Variants in ADARB2 observed in about 807,000 individuals in gnomAD.
ADARB2 encodes the protein adenosine deaminase RNA specific B2 (inactive), also known as inactive double-stranded RNA-specific editase B2.
ADARB2 carries 25 observed loss-of-function variants against 62.2 expected under a neutral mutation model. That is an observed-to-expected ratio of 0.40 (90% CI 0.29 to 0.56). The LOEUF is 0.56. ADARB2 is among the 20% of genes least tolerant of loss of function. The pLI is 0.43. For synonymous variants in ADARB2, 572 were observed against 500.8 expected, an observed-to-expected ratio of 1.14 and a Z score of -1.90; for missense variants, 1,071 against 1,077.4, an observed-to-expected ratio of 0.99 and a Z score of 0.08.
At chr10:1,258,547 CAAAG>C (rs1380835660) in intron 4 of ADARB2, among the ~76,000 whole-genome samples, 2 of 152,172 alleles carry the variant, frequency 1.3e-5, no homozygotes, top group East Asian at 1.9e-4. Context: ...TCAAAAGAGA[CAAAG>C]AAGGCCATTA....
intron 3 of ADARB2, among the ~76,000 whole-genome samples, chr10:1,326,054 A>G (rs1344801371): frequency 6.6e-6 from 1 of 152,248 alleles, no homozygotes; most frequent in Non-Finnish European, 1.5e-5. Flanking sequence ...TTAAAACAGT[A>G]GATATGTAAA....
intron 1 of ADARB2, among the ~76,000 whole-genome samples, chr10:1,721,531 T>C (rs988788759): frequency 6.6e-6 from 1 of 152,190 alleles, no homozygotes; most frequent in Non-Finnish European, 1.5e-5. Context: ...GACACATTAG[T>C]GTTAGGTACA....
intron 3 of ADARB2, among the ~76,000 whole-genome samples, chr10:1,272,845 A>G (rs1831276035): frequency 6.6e-6 from 1 of 152,154 alleles, no homozygotes; most frequent in African/African-American, 2.4e-5. Context: ...TCTTTAAACA[A>G]CAGGGATTCA....
chr10:1,548,349 G>A (rs542539804), intron 1 of ADARB2, among the ~76,000 whole-genome samples: 2 of 152,206 alleles, frequency 1.3e-5, no homozygotes, highest in South Asian at 4.1e-4. Flanking sequence ...CTTTCACAAT[G>A]TTAAACAATG....
intron 1 of ADARB2, among the ~76,000 whole-genome samples, chr10:1,706,782 G>C (rs1035128601): frequency 2.6e-5 from 4 of 152,166 alleles, no homozygotes; most frequent in African/African-American, 9.7e-5. Flanking sequence ...GTGCTAATCA[G>C]AAAGACAACA....
intron 1 of ADARB2, among the ~76,000 whole-genome samples, chr10:1,452,137 T>C (rs1294156540): frequency 6.6e-6 from 1 of 152,184 alleles, no homozygotes; most frequent in Non-Finnish European, 1.5e-5. Flanking sequence ...ATTTGGCCGC[T>C]GCCACCATCA....
chr10:1,193,804 C>G (rs552167972), intron 8 of ADARB2, among the ~76,000 whole-genome samples: 1 of 152,242 alleles, frequency 6.6e-6, no homozygotes, highest in South Asian at 2.1e-4. Context: ...GAATCAGTTA[C>G]CAGTCTGATT....
chr10:1,651,773 T>C (rs1834113991), intron 1 of ADARB2, among the ~76,000 whole-genome samples: 1 of 151,944 alleles, frequency 6.6e-6, no homozygotes, highest in Non-Finnish European at 1.5e-5. Flanking sequence ...TGCCTGCTTA[T>C]GGGTGCTGCT....
intron 1 of ADARB2, among the ~76,000 whole-genome samples, chr10:1,450,057 T>G (rs1831018263): frequency 6.6e-6 from 1 of 152,156 alleles, no homozygotes. Context: ...GTATGACGCT[T>G]GAAGGTGGCC....
At chr10:1,260,108 T>C (rs1344659671) in intron 4 of ADARB2, among the ~76,000 whole-genome samples, 1 of 130,126 alleles carries the variant, frequency 7.7e-6, no homozygotes, top group Non-Finnish European at 1.7e-5. Flanking sequence ...CAACCCTTCA[T>C]GCTAAAAAAA....
chr10:1,684,738 G>A (rs939344342), intron 1 of ADARB2, among the ~76,000 whole-genome samples: 1 of 152,174 alleles, frequency 6.6e-6, no homozygotes, highest in African/African-American at 2.4e-5. Flanking sequence ...TCTGGCAAAC[G>A]GGAAAAGCTG....
chr10:1,414,475 C>T (rs938778652), intron 1 of ADARB2, among the ~76,000 whole-genome samples: 1 of 152,178 alleles, frequency 6.6e-6, no homozygotes, highest in Non-Finnish European at 1.5e-5. Flanking sequence ...CTTGCTGACT[C>T]CTTGCTCCTT....
At chr10:1,417,596 C>G (rs545389107) in intron 1 of ADARB2, among the ~76,000 whole-genome samples, 1 of 152,200 alleles carries the variant, frequency 6.6e-6, no homozygotes, top group Admixed American at 6.5e-5. Context: ...GAGTTTGCAC[C>G]GTTTGCCTGA....
chr10:1,512,038 G>T (rs2131945754), intron 1 of ADARB2, among the ~76,000 whole-genome samples: 1 of 151,824 alleles, frequency 6.6e-6, no homozygotes, highest in Non-Finnish European at 1.5e-5. Context: ...TGTCTACACT[G>T]GATGTCAAGA....
chr10:1,333,039 A>G (rs1051746864), intron 3 of ADARB2, among the ~76,000 whole-genome samples: 10 of 152,142 alleles, frequency 6.6e-5, no homozygotes, highest in Admixed American at 1.3e-4. Context: ...CCTGCTATTG[A>G]GTTTTGACTC....
intron 1 of ADARB2, among the ~76,000 whole-genome samples, chr10:1,696,972 T>TA (rs1834754741): frequency 2.7e-5 from 1 of 37,254 alleles, no homozygotes; most frequent in South Asian, 8.2e-4. Flanking sequence ...TATTTTGTGA[T>TA]TTTTTTTTTT....
chr10:1,373,546 C>T (rs371219312), intron 2 of ADARB2, among the ~76,000 whole-genome samples: 7 of 151,994 alleles, frequency 4.6e-5, no homozygotes, highest in South Asian at 4.2e-4. Context: ...TGTGTGCATG[C>T]GTGTGTGTGT....
intron 3 of ADARB2, among the ~76,000 whole-genome samples, chr10:1,284,505 C>T (rs1167448612): frequency 6.6e-6 from 1 of 152,174 alleles, no homozygotes; most frequent in Non-Finnish European, 1.5e-5. Context: ...CGGGTAGCAC[C>T]CTGCGAGGCT....
intron 1 of ADARB2, among the ~76,000 whole-genome samples, chr10:1,463,716 T>G (rs899410480): frequency 2.0e-5 from 3 of 152,206 alleles, no homozygotes; most frequent in African/African-American, 7.2e-5. Flanking sequence ...GAACTTGTGC[T>G]CTTTGAAATG....
Sources: gnomAD v4.1 joint callset for allele counts (sites outside exome capture counted in the v4.1 genomes callset) on GRCh38, gnomAD v4.1.1 for gene constraint, MANE v1.5 for transcripts, NCBI Gene and HGNC (gene_info 2026-07-23, HGNC 2026-07-21) for gene names.